Variants in ERC2 observed in about 807,000 individuals in gnomAD.
ERC2 encodes ELKS/RAB6-interacting/CAST family member 2, also known as ERC protein 2.
Under a neutral mutation model 114.8 loss-of-function variants are expected in ERC2, and 42 were observed. That is an observed-to-expected ratio of 0.37 (90% CI 0.29 to 0.47). The LOEUF (loss-of-function observed/expected upper bound fraction) is 0.47. Among genes scored for constraint, ERC2 ranks in the 20% least tolerant of loss-of-function variants. The pLI is 0.99. For synonymous variants in ERC2, 454 were observed against 425.5 expected, an observed-to-expected ratio of 1.07 and a Z score of -0.82; for missense variants, 939 against 1,150.7, an observed-to-expected ratio of 0.82 and a Z score of 2.66.
chr3:56,455,497 A>G (rs2063023044), intron 1 of ERC2, among the ~76,000 whole-genome samples: 1 of 152,202 alleles, frequency 6.6e-6, no homozygotes. Context: ...AGTCCCAAGT[A>G]ACTATTTGTC....
At chr3:55,955,197 A>G in intron 12 of ERC2, 1 of 513,178 alleles carries the variant, frequency 1.9e-6, no homozygotes, top group Non-Finnish European at 3.9e-6. Context: ...GAAGAAGGGA[A>G]TAGTTTTGGG....
At chr3:56,024,380 T>C (rs1266714716) in intron 7 of ERC2, among the ~76,000 whole-genome samples, 1 of 152,176 alleles carries the variant, frequency 6.6e-6, no homozygotes, top group Non-Finnish European at 1.5e-5. Context: ...ATACTACATA[T>C]TAACTTACTG....
chr3:56,049,248 GA>G (rs1447709545), intron 7 of ERC2, among the ~76,000 whole-genome samples: 2 of 152,212 alleles, frequency 1.3e-5, no homozygotes, highest in African/African-American at 4.8e-5. Context: ...AGGACACAGT[GA>G]AAGCAGAAAC....
At chr3:56,092,124 T>C (rs1270016764) in intron 6 of ERC2, among the ~76,000 whole-genome samples, 2 of 152,336 alleles carry the variant, frequency 1.3e-5, no homozygotes, top group Non-Finnish European at 1.5e-5. Context: ...GGATATTTAG[T>C]ATCATATAAC....
chr3:56,295,109 A>G (rs1455394587), intron 3 of ERC2, among the ~76,000 whole-genome samples: 4 of 152,254 alleles, frequency 2.6e-5, no homozygotes, highest in Non-Finnish European at 4.4e-5. Context: ...CTGAACAGGT[A>G]TACTGCCAAG....
chr3:56,099,283 AC>A (rs1279198743), intron 6 of ERC2, among the ~76,000 whole-genome samples: 2 of 152,198 alleles, frequency 1.3e-5, no homozygotes, highest in African/African-American at 4.8e-5. Flanking sequence ...GAACTGTCAG[AC>A]AATAAACTTC....
At chr3:55,780,555 A>T (rs190995129) in intron 14 of ERC2, among the ~76,000 whole-genome samples, 175 of 152,364 alleles carry the variant, frequency 1.1e-3, no homozygotes, top group Middle Eastern at 3.4e-3. Flanking sequence ...AATTAAAACC[A>T]TGCAATAAAT....
rs551340242 is a variant in ERC2, at chr3:56,215,608, T to A, written c.1075-42088A>T. ...ATGGGACAGAAAGTTAACAAGGATA[T>A]CCAGGAATTGAACTCAGCTCTGCAC... On this transcript the variant is annotated intron_variant, in intron 3 of 17. Transcript: ENST00000288221. Among the ~76,000 whole-genome samples, 12 of 152,068 alleles carry A rather than the reference T, an allele frequency of 7.9e-5. No homozygotes were observed. The East Asian group carries it at 2.1e-3, about 27-fold the overall frequency.
chr3:56,243,047 T>C (rs2051430647), intron 3 of ERC2, among the ~76,000 whole-genome samples: 1 of 152,178 alleles, frequency 6.6e-6, no homozygotes, highest in South Asian at 2.1e-4. Flanking sequence ...CCTAAATTAA[T>C]CCCACACTAG....
intron 1 of ERC2, among the ~76,000 whole-genome samples, chr3:56,455,358 A>C (rs1461770022): frequency 6.6e-6 from 1 of 152,176 alleles, no homozygotes; most frequent in East Asian, 1.9e-4. Flanking sequence ...GTTTTACACT[A>C]TCTCTACAAT....
intron 17 of ERC2, among the ~76,000 whole-genome samples, chr3:55,672,281 G>A (rs1052721342): frequency 6.7e-6 from 1 of 149,778 alleles, no homozygotes; most frequent in Non-Finnish European, 1.5e-5. Context: ...TGAGACTGCC[G>A]AGAGCCATGA....
chr3:56,155,477 A>G (rs1436167915), intron 4 of ERC2, among the ~76,000 whole-genome samples: 3 of 152,124 alleles, frequency 2.0e-5, no homozygotes, highest in Non-Finnish European at 4.4e-5. Context: ...GAACAGCTAT[A>G]TATAGCTACA....
At chr3:55,905,539 G>A (rs1559848442) in intron 13 of ERC2, among the ~76,000 whole-genome samples, 1 of 143,800 alleles carries the variant, frequency 7.0e-6, no homozygotes, top group African/African-American at 2.6e-5. Flanking sequence ...GTCACCATTT[G>A]TATAGGTGGA....
Position 56,149,102 on chromosome 3 carries a change from T to C in ERC2, c.1180A>G (p.Ile394Val), listed in dbSNP as rs1171041346. The change falls in exon 5 of 18, where the codon ATA becomes GTA. Residue 394 changes from isoleucine (I) to valine (V), a missense_variant. This residue lies in a region of ERC2 where 148 missense variants were observed against 159.1 expected (regional missense o/e 0.93). Coordinates refer to ENST00000288221, the MANE Select transcript of ERC2 (RefSeq NM_015576.3). ...TGGATCTCATCCTCAAGATCCCTTA[T>C]GTTTCGTTCCAATGAAGCGATTTTT... ...DTKIASLERN[I>V]RDLEDEIQML... 8 of 1,611,574 alleles carry C rather than the reference T, an allele frequency of 5.0e-6. No homozygotes were observed. The highest frequency in any genetic ancestry group is 8.5e-7 in the Non-Finnish European group (1 of 1,178,818).
At chr3:56,090,794 C>T (rs2077746756) in intron 6 of ERC2, among the ~76,000 whole-genome samples, 1 of 31,252 alleles carries the variant, frequency 3.2e-5, no homozygotes, top group Non-Finnish European at 8.4e-5. Context: ...GCTCCCCCTA[C>T]CCTTCCTCTT....
At chr3:56,095,701 G>C (rs1407356485) in intron 6 of ERC2, among the ~76,000 whole-genome samples, 1 of 152,194 alleles carries the variant, frequency 6.6e-6, no homozygotes, top group African/African-American at 2.4e-5. Context: ...AACTAACTCA[G>C]TGTAAGAGAA....
chr3:55,604,345 C>T, intron 17 of ERC2, among the ~76,000 whole-genome samples: 1 of 152,200 alleles, frequency 6.6e-6, no homozygotes, highest in Middle Eastern at 3.4e-3. Context: ...TAATATATTA[C>T]ACATCTATAT....
intron 17 of ERC2, among the ~76,000 whole-genome samples, chr3:55,663,204 C>T (rs553260384): frequency 6.6e-6 from 1 of 152,292 alleles, no homozygotes; most frequent in South Asian, 2.1e-4. Flanking sequence ...TACTTTCAAA[C>T]AGAACCAAAC....
At chr3:55,774,265 C>A (rs2068436372) in intron 14 of ERC2, among the ~76,000 whole-genome samples, 1 of 152,192 alleles carries the variant, frequency 6.6e-6, no homozygotes, top group African/African-American at 2.4e-5. Context: ...CTCATGGGAT[C>A]TCAGGCAGTG....
Sources: gnomAD v4.1 joint callset for allele counts (sites outside exome capture counted in the v4.1 genomes callset) on GRCh38, gnomAD v4.1.1 for gene constraint, gnomAD v4.1.1 regional missense constraint, MANE v1.5 for transcripts, NCBI Gene and HGNC (gene_info 2026-07-23, HGNC 2026-07-21) for gene names.